The following CDC16 variants were observed in gnomAD, a reference collection of about 807,000 sequenced individuals.
CDC16 encodes cell division cycle 16, also known as cell division cycle protein 16 homolog.
In CDC16, 34 loss-of-function variants were observed where a neutral mutation model predicts 87.0. That is an observed-to-expected ratio of 0.39 (90% confidence interval 0.30 to 0.52). The LOEUF (loss-of-function observed/expected upper bound fraction) is 0.52. Among genes scored for constraint, CDC16 ranks in the 20% least tolerant of loss-of-function variants. The pLI is 0.74. For synonymous variants in CDC16, 263 were observed against 260.6 expected (o/e 1.01, Z -0.09); for missense variants, 653 against 751.9 (o/e 0.87, Z 1.54).
chr13:114,250,318 C>T (rs2082098789), intron 11 of CDC16, among the ~76,000 whole-genome samples: 1 of 152,002 alleles, frequency 6.6e-6, no homozygotes, highest in African/African-American at 2.4e-5. Context: ...CATGGTGAAA[C>T]CCCATCTCTA....
chr13:114,244,655 G>A (rs562018228), intron 8 of CDC16: 6 of 338,048 alleles, frequency 1.8e-5, no homozygotes, highest in Non-Finnish European at 2.7e-5. Context: ...TAAAGTAAAT[G>A]TATGTGATAA....
chr13:114,247,054 T>G (rs993399676), intron 11 of CDC16, 50 bp downstream of exon 11: 1 of 1,168,300 alleles, frequency 8.6e-7, no homozygotes, highest in Non-Finnish European at 1.3e-6. Context: ...ATTGATGTCT[T>G]GCTCATAAGC....
At chr13:114,235,330 C>T (rs1015990551) in intron 1 of CDC16, among the ~76,000 whole-genome samples, 198 bp downstream of exon 1, 5 of 151,814 alleles carry the variant, frequency 3.3e-5, no homozygotes, top group Non-Finnish European at 7.4e-5. Context: ...GGGCACAGCC[C>T]GGGGAGTGGA....
chr13:114,247,446 G>A (rs988403094), intron 11 of CDC16, among the ~76,000 whole-genome samples: 1 of 151,820 alleles, frequency 6.6e-6, no homozygotes, highest in Non-Finnish European at 1.5e-5. Flanking sequence ...GAGATGACAG[G>A]CATGAGCCAC....
Position 114,236,631 on chromosome 13 carries a change from T to G in CDC16, c.49-14T>G, listed in dbSNP as rs1314618985. 1 of 1,606,686 alleles carries G rather than the reference T, an allele frequency of 6.2e-7. No individual in the cohort carries two copies. The highest frequency in any genetic ancestry group is 8.5e-7 in the Non-Finnish European group (1 of 1,178,480). ...ACAGGGCAGTTACCACCTTTTTTTT[T>G]TTTTGGTATGCAGCAACAGTATCAA... is the stretch of plus-strand genomic sequence containing the variant. On this transcript the variant is annotated splice_polypyrimidine_tract_variant and intron_variant, in intron 1 of 17. Coordinates refer to ENST00000356221, the MANE Select transcript of CDC16 (RefSeq NM_001078645.3).
Position 114,235,035 on chromosome 13 carries a change from AGGCGCGCGCCT to A in CDC16, c.-49_-39del. On this transcript the variant is annotated 5_prime_UTR_variant, in exon 1 of 18. Coordinates refer to ENST00000356221, the MANE Select transcript of CDC16 (RefSeq NM_001078645.3). ...CGGGGCGGGGTGCTTAGGGTGCAGGAGGCGCGCGCCTAGCGGCGGAGTGTGGCGTGAGGCCG... is the reference window on the plus strand; with the variant it reads ...CGGGGCGGGGTGCTTAGGGTGCAGGAAGCGGCGGAGTGTGGCGTGAGGCCG... The A allele has an allele frequency of 8.1e-7, 1 of 1,240,412 alleles. No homozygotes were observed. Among genetic ancestry groups the A allele is most frequent in the Non-Finnish European group, 1.0e-6 (1 of 989,976 alleles). The allele number at this position is 1,240,412 out of a possible 1,614,324, so 76.8% of individuals were successfully genotyped here.
chr13:114,236,943 A>G (rs17337772), intron 3 of CDC16, 47 bp downstream of exon 3: 3 of 1,302,266 alleles, frequency 2.3e-6, no homozygotes, highest in African/African-American at 3.0e-5. Flanking sequence ...TTTAAAAAAA[A>G]TGTCATTAGT....
Position 114,246,030 on chromosome 13 carries a change from A to G in CDC16, c.878A>G (p.Asp293Gly). Residue 293 changes from aspartate to glycine, a missense_variant, in exon 10 of 18, where the codon GAT becomes GGT. By Grantham distance (94) the Asp-to-Gly change is moderately conservative. Coordinates refer to ENST00000356221, the MANE Select transcript of CDC16 (RefSeq NM_001078645.3). ...TTCTATCTTTCTCATAAACTGGTGG[A>G]TTTATATCCTAGTAATCCTGTAAGT... Reference protein sequence around the residue: ...ELFYLSHKLVDLYPSNPVSWF... With the variant: ...ELFYLSHKLVGLYPSNPVSWF... The G allele has an allele frequency of 2.7e-6, 4 of 1,487,606 alleles. No individual in the cohort carries two copies. The highest frequency in any genetic ancestry group is 3.7e-6 in the Non-Finnish European group (4 of 1,083,648). 92.2% of individuals were successfully genotyped at this position (1,487,606 alleles called of 1,614,324 possible).
At chr13:114,236,369 C>T (rs2081250447) in intron 1 of CDC16, among the ~76,000 whole-genome samples, 1 of 152,128 alleles carries the variant, frequency 6.6e-6, no homozygotes, top group African/African-American at 2.4e-5. Flanking sequence ...TTGTATGTTT[C>T]ACGATACATT....
At chr13:114,267,531 ATAT>A (rs1265583499) in intron 17 of CDC16, among the ~76,000 whole-genome samples, 5 of 152,192 alleles carry the variant, frequency 3.3e-5, no homozygotes, top group Non-Finnish European at 7.3e-5. Flanking sequence ...GTAGTTATGC[ATAT>A]TCTTACATAT....
intron 15 of CDC16, 28 bp from the exon 16 acceptor site, chr13:114,262,851 T>C (rs1594665383): frequency 1.2e-6 from 2 of 1,613,386 alleles, no homozygotes; most frequent in South Asian, 1.1e-5. Context: ...GCTTTTACTG[T>C]AGCCAATAAT....
chr13:114,272,318 C>T lies in CDC16; in HGVS notation c.1738C>T (p.Leu580Phe), dbSNP rs376762538. 1.2e-5 allele frequency: 20 copies of T among 1,614,128 alleles called. No homozygotes were observed. Among genetic ancestry groups the T allele is most frequent in the Non-Finnish European group, 1.6e-5 (19 of 1,180,024 alleles). The change falls in exon 18 of 18, where the codon CTT (leucine) becomes TTT (phenylalanine). Residue 580 changes from leucine to phenylalanine, a missense_variant. Coordinates refer to ENST00000356221, the MANE Select transcript of CDC16 (RefSeq NM_001078645.3). ...AAAACAGACTGCAGAAGAAACGGGG[C>T]TTACGCCATTGGAAACCTCAAGGAA... ...VEKQTAEETG[L>F]TPLETSRKTP...
At chr13:114,267,505 A>C (rs1391879566) in intron 17 of CDC16, among the ~76,000 whole-genome samples, 3 of 152,216 alleles carry the variant, frequency 2.0e-5, no homozygotes, top group Non-Finnish European at 4.4e-5. Context: ...AACAAAAAAA[A>C]AAGTGCTACG....
intron 11 of CDC16, among the ~76,000 whole-genome samples, chr13:114,248,518 T>TA (rs1310500148): frequency 1.3e-5 from 2 of 152,074 alleles, no homozygotes; most frequent in East Asian, 3.9e-4. Context: ...CTGTCTCTAC[T>TA]AAAAATAAAA....
intron 12 of CDC16, among the ~76,000 whole-genome samples, chr13:114,251,352 A>G (rs1317309744): frequency 6.6e-6 from 1 of 152,222 alleles, no homozygotes; most frequent in East Asian, 1.9e-4. Flanking sequence ...AAATAGGAAT[A>G]ATAGCAAAAT....
At chr13:114,260,065 G>T (rs1352472163) in intron 14 of CDC16, among the ~76,000 whole-genome samples, 1 of 152,018 alleles carries the variant, frequency 6.6e-6, no homozygotes, top group Non-Finnish European at 1.5e-5. Flanking sequence ...TGTTTCATTC[G>T]TGCCTGTTTT....
intron 12 of CDC16, among the ~76,000 whole-genome samples, chr13:114,252,810 G>A (rs1315927763): frequency 6.6e-6 from 1 of 152,166 alleles, no homozygotes; most frequent in Non-Finnish European, 1.5e-5. Context: ...TACCTTCAGT[G>A]TTTCCAAATC....
At chr13:114,261,824 G>C in intron 14 of CDC16, 63 bp from the exon 15 acceptor site, 8 of 1,190,798 alleles carry the variant, frequency 6.7e-6, no homozygotes, top group Non-Finnish European at 9.6e-6. Flanking sequence ...ATAATTCAGT[G>C]CAAACAAATC....
At chr13:114,269,616 T>C (rs955363402) in intron 17 of CDC16, among the ~76,000 whole-genome samples, 2 of 152,192 alleles carry the variant, frequency 1.3e-5, no homozygotes, top group African/African-American at 4.8e-5. Context: ...GAGAAATAAA[T>C]TGTGGTATGT....
Sources: gnomAD v4.1 joint callset for allele counts (sites outside exome capture counted in the v4.1 genomes callset) on GRCh38, gnomAD v4.1.1 for gene constraint, MANE v1.5 for transcripts, NCBI Gene and HGNC (gene_info 2026-07-23, HGNC 2026-07-21) for gene names.